MYLK: variants seen among roughly 807,000 people sequenced by gnomAD.
MYLK encodes myosin light chain kinase, smooth muscle.
A neutral mutation model predicts 203.4 loss-of-function variants in MYLK; 106 were observed. The ratio of observed to expected loss-of-function variants is 0.52; its 90% confidence interval spans 0.45 to 0.61. The LOEUF (loss-of-function observed/expected upper bound fraction) is 0.61. Among genes scored for constraint, MYLK ranks in the 20% least tolerant of loss-of-function variants. The pLI, the probability that MYLK is intolerant of heterozygous loss-of-function variation, is 0.00. For missense variants in MYLK, 2,072 were observed against 2,442.3 expected, an observed-to-expected ratio of 0.85 and a Z score of 3.20; for synonymous variants, 867 against 959.5, an observed-to-expected ratio of 0.90 and a Z score of 1.78.
rs2057501135 is a variant in MYLK at position 123,616,489 on chromosome 3, A to T, written c.5501-2140T>A. On this transcript the variant is annotated intron_variant, in intron 33 of 33. Coordinates refer to ENST00000360304, the MANE Select transcript of MYLK (RefSeq NM_053025.4). Reference sequence around the variant, plus strand: ...AGTCATATATATACATACATTTAAAAATATACAATATATTCCACCTGACTT... The same window carrying T: ...AGTCATATATATACATACATTTAAATATATACAATATATTCCACCTGACTT... The T allele has an allele frequency of 3.3e-5, 5 of 152,360 alleles. No individual in the cohort carries two copies. The South Asian group carries it at 1.0e-3, about 32-fold the overall frequency. 9.4% of individuals were successfully genotyped at this position (152,360 alleles called of 1,614,324 possible).
intron 30 of MYLK, among the ~76,000 whole-genome samples, chr3:123,627,245 T>C (rs1023680889): frequency 6.6e-6 from 1 of 152,182 alleles, no homozygotes; most frequent in African/African-American, 2.4e-5. Context: ...GGCAGACGTT[T>C]CTGGGATTGG....
rs1258407183 is a variant in MYLK at position 123,722,189 on chromosome 3, G to A, written c.1743C>T (p.Tyr581=). Residue 581 remains tyrosine (Y), a synonymous_variant, in exon 13 of 34, where the codon TAC becomes TAT. Transcript: ENST00000360304. ...QDALPEDHGT[Y]TCLAENALGQ... ...CCAAGGCATTCTCAGCTAGGCAGGTGTAGGTGCCATGGTCCTCCGGCAGGG... is the reference window on the plus strand; with the variant it reads ...CCAAGGCATTCTCAGCTAGGCAGGTATAGGTGCCATGGTCCTCCGGCAGGG... 7 of 1,562,782 alleles carry A rather than the reference G, an allele frequency of 4.5e-6. No homozygotes were observed. The highest frequency in any genetic ancestry group is 1.2e-5 in the South Asian group (1 of 84,668).
At chr3:123,732,852 T>C (rs1363085722) in intron 11 of MYLK, 44 bp downstream of exon 11, 2 of 1,588,208 alleles carry the variant, frequency 1.3e-6, no homozygotes, top group Admixed American at 1.7e-5. Flanking sequence ...CCATGAATGG[T>C]TGTCCCACAG....
At chr3:123,620,402 G>A (rs1576321537) in intron 31 of MYLK, 66 bp from the exon 32 acceptor site, 1 of 1,610,534 alleles carries the variant, frequency 6.2e-7, no homozygotes, top group Admixed American at 1.7e-5. Flanking sequence ...AGTGCGAGGG[G>A]CTGCAGGGAG....
intron 2 of MYLK, among the ~76,000 whole-genome samples, chr3:123,835,321 G>T (rs1299274124): frequency 2.0e-5 from 3 of 152,186 alleles, no homozygotes; most frequent in Non-Finnish European, 2.9e-5. Flanking sequence ...ATGGCAATCA[G>T]TCACAAGAGA....
chr3:123,665,585 G>A (rs1043999579), intron 22 of MYLK, among the ~76,000 whole-genome samples: 4 of 152,180 alleles, frequency 2.6e-5, no homozygotes, highest in Non-Finnish European at 4.4e-5. Context: ...CAGGGTCTCT[G>A]CTGATCATGC....
intron 13 of MYLK, among the ~76,000 whole-genome samples, chr3:123,715,536 G>A (rs561481936): frequency 6.6e-6 from 1 of 152,134 alleles, no homozygotes; most frequent in Non-Finnish European, 1.5e-5. Flanking sequence ...ACCCAACATG[G>A]CGTTTTGGAA....
At chr3:123,722,387 CT>C (rs2062123728) in intron 12 of MYLK, 107 bp from the exon 13 acceptor site, 5 of 1,044,740 alleles carry the variant, frequency 4.8e-6, no homozygotes, top group Admixed American at 2.8e-5. Context: ...ACTTGTCATG[CT>C]TGCTCAGATC....
chr3:123,694,189 C>G (rs900916567), intron 18 of MYLK, among the ~76,000 whole-genome samples: 1 of 152,162 alleles, frequency 6.6e-6, no homozygotes, highest in Admixed American at 6.5e-5. Flanking sequence ...AACAGAGAAA[C>G]CTTCATCCTA....
intron 20 of MYLK, among the ~76,000 whole-genome samples, chr3:123,672,599 A>T (rs974245337): frequency 5.9e-5 from 9 of 152,174 alleles, no homozygotes; most frequent in African/African-American, 2.2e-4. Flanking sequence ...CCTGCCCCAT[A>T]CTTGGTGGCT....
intron 29 of MYLK, among the ~76,000 whole-genome samples, chr3:123,635,514 G>A (rs2058609967): frequency 6.6e-6 from 1 of 152,114 alleles, no homozygotes; most frequent in Non-Finnish European, 1.5e-5. Flanking sequence ...GTGCCACCTG[G>A]CCTGGGTCCT....
intron 4 of MYLK, among the ~76,000 whole-genome samples, chr3:123,752,947 T>A (rs530316998): frequency 4.6e-5 from 7 of 152,314 alleles, no homozygotes; most frequent in African/African-American, 1.7e-4. Context: ...CACTTGGTGA[T>A]CCTGTTAAAA....
At chr3:123,845,660 T>A (rs2029883473) in intron 2 of MYLK, among the ~76,000 whole-genome samples, 1 of 152,064 alleles carries the variant, frequency 6.6e-6, no homozygotes, top group Non-Finnish European at 1.5e-5. Flanking sequence ...CCAGCTATAT[T>A]TTTTTATTTT....
intron 3 of MYLK, among the ~76,000 whole-genome samples, chr3:123,796,247 T>C (rs2064982025): frequency 6.6e-6 from 1 of 152,218 alleles, no homozygotes; most frequent in African/African-American, 2.4e-5. Context: ...CAGATAATCT[T>C]GGTATCCCCA....
intron 4 of MYLK, among the ~76,000 whole-genome samples, chr3:123,766,665 A>G (rs1210665890): frequency 6.6e-6 from 1 of 152,260 alleles, no homozygotes; most frequent in African/African-American, 2.4e-5. Flanking sequence ...TTGTGAGCCG[A>G]GGCAGATTCC....
At chr3:123,737,664 TGTGG>T in intron 7 of MYLK, 121 bp from the exon 8 acceptor site, 4 of 1,316,346 alleles carry the variant, frequency 3.0e-6, no homozygotes, top group Non-Finnish European at 4.3e-6. Context: ...CGTCCTCTGC[TGTGG>T]GCCCTGTCAA....
In MYLK at chr3:123,737,187, C is replaced by T; in HGVS notation, c.754+191G>A. The T allele has an allele frequency of 3.2e-6, 2 of 631,560 alleles. 1 individual carries two copies. The highest frequency in any genetic ancestry group is 3.9e-5 in the South Asian group (2 of 51,098). 39.1% of individuals were successfully genotyped at this position (631,560 alleles called of 1,614,324 possible). On this transcript the variant is annotated intron_variant, in intron 8 of 33. Transcript: ENST00000360304. ...TGAGCTGAGGTCATGTCACTGCACT[C>T]CAGCATGGGCGACAGAGCAAGACTC...
chr3:123,752,303 T>C (rs2063219621), intron 5 of MYLK, 28 bp downstream of exon 5: 1 of 1,612,382 alleles, frequency 6.2e-7, no homozygotes, highest in African/African-American at 1.3e-5. Context: ...CTCAGCTCCC[T>C]CCTGGACTCG....
intron 20 of MYLK, among the ~76,000 whole-genome samples, chr3:123,677,658 T>C (rs1277117860): frequency 6.6e-6 from 1 of 151,832 alleles, no homozygotes; most frequent in Non-Finnish European, 1.5e-5. Flanking sequence ...GAGAAAAAGA[T>C]AGCCACAAAG....
Sources: gnomAD v4.1 joint callset for allele counts (sites outside exome capture counted in the v4.1 genomes callset) on GRCh38, gnomAD v4.1.1 for gene constraint, MANE v1.5 for transcripts, NCBI Gene and HGNC (gene_info 2026-07-23, HGNC 2026-07-21) for gene names.